Variants in CSMD1 observed in about 807,000 individuals in gnomAD.
CSMD1 encodes the protein CUB and Sushi multiple domains 1, also known as CUB and sushi domain-containing protein 1.
A neutral mutation model predicts 417.5 loss-of-function variants in CSMD1; 213 were observed. The ratio of observed to expected loss-of-function variants is 0.51; its 90% CI spans 0.46 to 0.57. The LOEUF is 0.57. CSMD1 is among the 20% of genes least tolerant of loss of function. The pLI, the probability that CSMD1 is intolerant of heterozygous loss-of-function variation, is 0.00. For missense variants in CSMD1, 6,923 were observed against 4,529.7 expected, an observed-to-expected ratio of 1.53 and a Z score of -15.17; for synonymous variants, 2,862 against 1,736.8, an observed-to-expected ratio of 1.65 and a Z score of -16.11.
At chr8:3,361,354 C>G (rs1245418726) in intron 20 of CSMD1, among the ~76,000 whole-genome samples, 1 of 152,044 alleles carries the variant, frequency 6.6e-6, no homozygotes, top group African/African-American at 2.4e-5. Flanking sequence ...AAACTCCAGG[C>G]ACTGTGGCTC....
intron 6 of CSMD1, among the ~76,000 whole-genome samples, chr8:3,753,190 A>C (rs1402169242): frequency 6.6e-6 from 1 of 152,144 alleles, no homozygotes; most frequent in African/African-American, 2.4e-5. Context: ...AAGCTTAGGC[A>C]CTTTGATTGG....
chr8:4,237,737 T>G (rs1161242305), intron 3 of CSMD1, among the ~76,000 whole-genome samples: 2 of 152,158 alleles, frequency 1.3e-5, no homozygotes, highest in African/African-American at 4.8e-5. Context: ...AGTCTCAAAT[T>G]CTTGGGCTCA....
At chr8:3,962,650 G>A (rs1260817615) in intron 5 of CSMD1, among the ~76,000 whole-genome samples, 1 of 152,158 alleles carries the variant, frequency 6.6e-6, no homozygotes, top group African/African-American at 2.4e-5. Flanking sequence ...ACATTCAATT[G>A]CAGTTAGATA....
rs145827059 is a variant in CSMD1, at chr8:4,641,241, C to T, written c.86-3683G>A. 1.8e-3 allele frequency among the ~76,000 whole-genome samples: 277 copies of T among 152,096 alleles called. 1 individual carries two copies. Among genetic ancestry groups the T allele is most frequent in the African/African-American group, 6.5e-3 (270 of 41,526 alleles). On this transcript the variant is annotated intron_variant, in intron 1 of 69. Coordinates refer to ENST00000635120, the MANE Select transcript of CSMD1 (RefSeq NM_033225.6). ...AAACTTCCAAGAGAAAACCTGAACA[C>T]ATGCCATAATTTTAGGCAACTGGAA...
chr8:3,950,071 A>T lies in CSMD1; in HGVS notation c.818+47832T>A, dbSNP rs7004592. On this transcript the variant is annotated intron_variant, in intron 5 of 69. Transcript: ENST00000635120. The stretch of plus-strand genomic sequence containing the variant: ...CTACAGACAGGACTGAGTTGCCAGA[A>T]AATAAAAAGAAAATCTTCCTTAAAG... 9.7e-3 allele frequency: 4,318 copies of T among 444,986 alleles called. 156 individuals carry two copies. The highest frequency in any genetic ancestry group is 0.079 in the African/African-American group (3,851 of 48,746). The allele number at this position is 444,986 out of a possible 1,614,324, so 27.6% of individuals were successfully genotyped here. A position where few individuals can be genotyped will look rare whatever the true frequency, so the allele number is the denominator to read the frequency against.
At chr8:3,602,104 C>T (rs1471368754) in intron 8 of CSMD1, among the ~76,000 whole-genome samples, 3 of 152,180 alleles carry the variant, frequency 2.0e-5, no homozygotes, top group Non-Finnish European at 2.9e-5. Context: ...AATGTGTTAA[C>T]ACCATTGAAC....
intron 3 of CSMD1, among the ~76,000 whole-genome samples, chr8:4,344,542 GTA>G (rs1268491408): frequency 6.7e-6 from 1 of 150,256 alleles, no homozygotes; most frequent in African/African-American, 2.4e-5. Flanking sequence ...AAATAAATAG[GTA>G]TATAAGAATA....
intron 35 of CSMD1, among the ~76,000 whole-genome samples, chr8:3,188,584 T>C (rs566140814): frequency 9.9e-5 from 15 of 152,158 alleles, no homozygotes; most frequent in Non-Finnish European, 1.8e-4. Context: ...TGGGACTACA[T>C]GCATGAGCCA....
chr8:3,495,015 T>C (rs1796307857), intron 10 of CSMD1, among the ~76,000 whole-genome samples: 1 of 152,214 alleles, frequency 6.6e-6, no homozygotes, highest in Non-Finnish European at 1.5e-5. Flanking sequence ...CATTTGCTAC[T>C]TGAAATTCTT....
In CSMD1 at chr8:3,812,810, T is replaced by C. The variant is rs149339782; in HGVS notation, c.819-58768A>G. Among the ~76,000 whole-genome samples, 387 of 152,276 alleles carry C rather than the reference T, an allele frequency of 2.5e-3. 4 individuals are homozygous for C. The highest frequency in any genetic ancestry group is 8.8e-3 in the African/African-American group (364 of 41,558). On this transcript the variant is annotated intron_variant, in intron 5 of 69. Coordinates refer to ENST00000635120, the MANE Select transcript of CSMD1 (RefSeq NM_033225.6). ...AGCTATTGAATTAACTGTCTTTCCT[T>C]TGAGGTTGCTAGGAGTTTTGAAACA... is the stretch of plus-strand genomic sequence containing the variant.
At chr8:3,543,108 A>C (rs991335285) in intron 10 of CSMD1, among the ~76,000 whole-genome samples, 7 of 152,154 alleles carry the variant, frequency 4.6e-5, no homozygotes, top group African/African-American at 1.7e-4. Flanking sequence ...TCGTGAGCAA[A>C]TCTGTGCATC....
Position 2,935,470 on chromosome 8 carries a change from CATTTT to C in CSMD1, c.*3110_*3114del, listed in dbSNP as rs1801390253. On this transcript the variant is annotated 3_prime_UTR_variant, in exon 70 of 70. Coordinates refer to ENST00000635120, the MANE Select transcript of CSMD1 (RefSeq NM_033225.6). ...TTTTTGACAAAAAAAAGATACTGTT[CATTTT>C]AACAGGCCACTTTAATATTAATACA... 6.6e-6 allele frequency: 1 copy of C among 152,102 alleles called. No homozygotes were observed. The highest frequency in any genetic ancestry group is 1.5e-5 in the Non-Finnish European group (1 of 68,010). 9.4% of individuals were successfully genotyped at this position (152,102 alleles called of 1,614,324 possible). A position where few individuals can be genotyped will look rare whatever the true frequency, so the allele number is the denominator to read the frequency against.
At chr8:3,708,645 CAA>C in intron 6 of CSMD1, 154 bp from the exon 7 acceptor site, 2 of 639,108 alleles carry the variant, frequency 3.1e-6, no homozygotes, top group Non-Finnish European at 5.6e-6. Context: ...TCAATGAAGT[CAA>C]AGAGCTTGTA....
intron 2 of CSMD1, among the ~76,000 whole-genome samples, chr8:4,543,901 T>C (rs1323795784): frequency 6.6e-6 from 1 of 152,170 alleles, no homozygotes; most frequent in Non-Finnish European, 1.5e-5. Flanking sequence ...GAGCGCCTTT[T>C]CATATGATAA....
chr8:3,935,495 A>G (rs1810428224), intron 5 of CSMD1, among the ~76,000 whole-genome samples: 1 of 152,056 alleles, frequency 6.6e-6, no homozygotes. Context: ...AATTGCATCT[A>G]CTCGTTTTTG....
At chr8:3,492,290 TAAG>T (rs1223839211) in intron 11 of CSMD1, among the ~76,000 whole-genome samples, 3 of 152,002 alleles carry the variant, frequency 2.0e-5, no homozygotes, top group Non-Finnish European at 4.4e-5. Flanking sequence ...ATGAAGGAAA[TAAG>T]GAGACTTTTC....
intron 1 of CSMD1, among the ~76,000 whole-genome samples, chr8:4,732,205 T>C (rs1328114077): frequency 1.3e-5 from 2 of 152,298 alleles, no homozygotes; most frequent in African/African-American, 4.8e-5. Flanking sequence ...AGAACTCAGA[T>C]GTATCAGACC....
At chr8:3,144,798 G>C (rs5888948) in intron 40 of CSMD1, among the ~76,000 whole-genome samples, 5 of 86,900 alleles carry the variant, frequency 5.8e-5, no homozygotes, top group African/African-American at 1.8e-4. Context: ...GCAACAAGGG[G>C]GGGGGGGAGG....
At chr8:3,945,183 A>C (rs1811136947) in intron 5 of CSMD1, among the ~76,000 whole-genome samples, 2 of 144,576 alleles carry the variant, frequency 1.4e-5, no homozygotes, top group African/African-American at 5.5e-5. Flanking sequence ...AAAGACAAAA[A>C]AAAAAAAAAA....
Sources: gnomAD v4.1 joint callset for allele counts (sites outside exome capture counted in the v4.1 genomes callset) on GRCh38, gnomAD v4.1.1 for gene constraint, MANE v1.5 for transcripts, NCBI Gene and HGNC (gene_info 2026-07-23, HGNC 2026-07-21) for gene names.